Variants in SYTL3 observed in about 807,000 individuals in gnomAD.
SYTL3 encodes the protein synaptotagmin like 3.
Under a neutral mutation model 82.1 loss-of-function variants are expected in SYTL3, and 88 were observed. The ratio of observed to expected loss-of-function variants is 1.07; its 90% CI spans 0.90 to 1.28. SYTL3 has a LOEUF of 1.28. SYTL3 is among the 50% of genes most tolerant of loss of function. The pLI is 0.00. For synonymous variants in SYTL3, 311 were observed against 289.4 expected (o/e 1.07, Z -0.76); for missense variants, 831 against 757.6 (o/e 1.10, Z -1.14).
chr6:158,690,872 A>G (rs115227168), intron 6 of SYTL3, among the ~76,000 whole-genome samples: 1,897 of 152,306 alleles, frequency 0.012, 44 homozygotes, highest in African/African-American at 0.043. Flanking sequence ...GAAGCTCCCC[A>G]GGACAACCTG....
At chr6:158,654,013 T>C (rs1788373397) in intron 2 of SYTL3, among the ~76,000 whole-genome samples, 1 of 152,240 alleles carries the variant, frequency 6.6e-6, no homozygotes, top group Non-Finnish European at 1.5e-5. Flanking sequence ...ACTTTTCCCC[T>C]TTCACCAGAT....
chr6:158,742,311 A>G (rs1418291244), intron 11 of SYTL3, among the ~76,000 whole-genome samples: 1 of 152,230 alleles, frequency 6.6e-6, no homozygotes, highest in Non-Finnish European at 1.5e-5. Flanking sequence ...CACTTTTATT[A>G]TGCTTCATAG....
At chr6:158,664,979 CTG>C in intron 4 of SYTL3, among the ~76,000 whole-genome samples, 1 of 152,134 alleles carries the variant, frequency 6.6e-6, no homozygotes, top group African/African-American at 2.4e-5. Context: ...AGGATGTATG[CTG>C]TGTGTTTCTA....
intron 11 of SYTL3, among the ~76,000 whole-genome samples, chr6:158,733,777 T>C (rs1785736056): frequency 6.6e-6 from 1 of 151,896 alleles, no homozygotes; most frequent in Non-Finnish European, 1.5e-5. Context: ...TGTTCAGGTG[T>C]GCTCTCGCCA....
Position 158,657,759 on chromosome 6 carries a change from C to T in SYTL3, c.-636-3510C>T, listed in dbSNP as rs78497755. Among the ~76,000 whole-genome samples, 1,058 of 152,196 alleles carry T rather than the reference C, an allele frequency of 7.0e-3. 18 individuals carry two copies. The highest frequency in any genetic ancestry group is 0.031 in the East Asian group (160 of 5,184). On this transcript the variant is annotated intron_variant, in intron 2 of 17. Coordinates refer to ENST00000611299, the MANE Select transcript of SYTL3 (RefSeq NM_001242394.2). ...GCCATCAATACATGGCATAGTGATT[C>T]CAGTACCATAAGCAATGTTGCCCTC...
rs200870127 is a variant in SYTL3 at position 158,762,030 on chromosome 6, G to C, written c.1415-46G>C. ...TGGGGTGGTGGTACTGCATACTAAC[G>C]TATCAGGAGACATGGTTTGACAGTG... On this transcript the variant is annotated intron_variant, in intron 15 of 17. Transcript: ENST00000611299. The C allele has an allele frequency of 4.3e-5, 60 of 1,408,738 alleles. 1 individual carries two copies. In the South Asian group the frequency reaches 6.7e-4, roughly 16 times the overall value. 87.3% of individuals were successfully genotyped at this position (1,408,738 alleles called of 1,614,324 possible).
intron 8 of SYTL3, among the ~76,000 whole-genome samples, chr6:158,708,596 T>C (rs1782386896): frequency 6.6e-6 from 1 of 152,162 alleles, no homozygotes; most frequent in South Asian, 2.1e-4. Flanking sequence ...CGCGGGACCC[T>C]CTGTGTCATC....
chr6:158,702,476 A>C (rs890247940), intron 6 of SYTL3, among the ~76,000 whole-genome samples: 4 of 151,326 alleles, frequency 2.6e-5, no homozygotes, highest in African/African-American at 9.7e-5. Flanking sequence ...CTGGAGTGAG[A>C]GGCTACAGTG....
At chr6:158,677,296 T>C (rs542476839) in intron 5 of SYTL3, among the ~76,000 whole-genome samples, 3 of 152,212 alleles carry the variant, frequency 2.0e-5, no homozygotes, top group Non-Finnish European at 4.4e-5. Context: ...CTCAGCAAAC[T>C]ATCTCAAGGA....
intron 6 of SYTL3, among the ~76,000 whole-genome samples, 171 bp downstream of exon 6, chr6:158,683,160 T>C (rs577453801): frequency 1.3e-5 from 2 of 150,684 alleles, no homozygotes; most frequent in East Asian, 3.9e-4. Context: ...GCTCATTCCC[T>C]CTGCTCGCTA....
intron 13 of SYTL3, among the ~76,000 whole-genome samples, chr6:158,752,395 G>A (rs1187100698): frequency 6.6e-6 from 1 of 152,232 alleles, no homozygotes; most frequent in Non-Finnish European, 1.5e-5. Context: ...CTCAGACAGA[G>A]TGCCCTGAAA....
intron 12 of SYTL3, among the ~76,000 whole-genome samples, chr6:158,748,195 T>C (rs1489967035): frequency 6.6e-6 from 1 of 152,150 alleles, no homozygotes; most frequent in Non-Finnish European, 1.5e-5. Context: ...GGGGAACTTC[T>C]GGCATACTGT....
chr6:158,745,535 C>G lies in SYTL3; in HGVS notation c.911C>G (p.Ala304Gly), dbSNP rs769084425. The G allele has an allele frequency of 3.1e-6, 5 of 1,613,446 alleles. No homozygotes were observed. In the African/African-American group the frequency reaches 4.0e-5, roughly 13 times the overall value. The stretch of plus-strand genomic sequence containing the variant: ...ACAGAGATGGGCAATTTTGACAATG[C>G]TAATGTCACTGGAGAAATAGAATTT... ...TCTEMGNFDN[A>G]NVTGEIEFAI... The change falls in exon 12 of 18, where the codon GCT becomes GGT. Residue 304 changes from alanine to glycine, a missense_variant. Physicochemically the swap from Ala to Gly is moderately conservative, Grantham distance 60. Coordinates refer to ENST00000611299, the MANE Select transcript of SYTL3 (RefSeq NM_001242394.2).
chr6:158,681,072 T>C (rs1175712319), intron 5 of SYTL3, among the ~76,000 whole-genome samples: 3 of 152,260 alleles, frequency 2.0e-5, no homozygotes, highest in Non-Finnish European at 4.4e-5. Context: ...CTGTAATTTA[T>C]AGAAGAGAAT....
intron 6 of SYTL3, among the ~76,000 whole-genome samples, chr6:158,701,812 T>C (rs1781338615): frequency 6.6e-6 from 1 of 151,930 alleles, no homozygotes; most frequent in Non-Finnish European, 1.5e-5. Flanking sequence ...GAGGTGTCAG[T>C]GGGGCCATGC....
intron 5 of SYTL3, among the ~76,000 whole-genome samples, chr6:158,678,914 C>G (rs1778351962): frequency 6.6e-6 from 1 of 152,220 alleles, no homozygotes; most frequent in African/African-American, 2.4e-5. Flanking sequence ...AAGAAACTTT[C>G]ATAACCTCAT....
intron 8 of SYTL3, among the ~76,000 whole-genome samples, chr6:158,711,031 C>T (rs963855458): frequency 5.9e-5 from 9 of 152,256 alleles, no homozygotes; most frequent in Admixed American, 3.3e-4. Flanking sequence ...CTGCCCACCT[C>T]GGGCTCCCAA....
At chr6:158,715,707 A>G (rs1169719977) in intron 9 of SYTL3, among the ~76,000 whole-genome samples, 1 of 123,550 alleles carries the variant, frequency 8.1e-6, no homozygotes, top group African/African-American at 2.9e-5. Context: ...GGCTGCTGGG[A>G]GTGGTGCTTG....
intron 6 of SYTL3, among the ~76,000 whole-genome samples, chr6:158,689,147 G>C (rs1027442969): frequency 3.3e-5 from 5 of 152,174 alleles, no homozygotes; most frequent in African/African-American, 1.2e-4. Flanking sequence ...ATTAAAATGA[G>C]AATAATGCAA....
Sources: allele counts gnomAD v4.1 joint callset (sites outside exome capture counted in the v4.1 genomes callset), GRCh38; gene constraint gnomAD v4.1.1; transcripts MANE v1.5; gene names NCBI Gene and HGNC (gene_info 2026-07-23, HGNC 2026-07-21).